STAB2: variants seen among roughly 807,000 people sequenced by gnomAD.
STAB2 encodes stabilin 2, also known as stabilin-2.
Under a neutral mutation model 338.1 loss-of-function variants are expected in STAB2, and 288 were observed. The observed-to-expected ratio is 0.85, with a 90% CI of 0.77 to 0.94. The LOEUF is 0.94. Ranked by LOEUF, STAB2 falls within the 40% of genes least tolerant of loss-of-function variation. STAB2 has a pLI of 0.00. For missense variants in STAB2, 3,141 were observed against 3,210.1 expected, an observed-to-expected ratio of 0.98 and a Z score of 0.52; for synonymous variants, 1,202 against 1,193.3, an observed-to-expected ratio of 1.01 and a Z score of -0.15.
At chr12:103,739,296 A>G (rs946361338) in intron 53 of STAB2, 116 bp from the exon 54 acceptor site, 8 of 959,682 alleles carry the variant, frequency 8.3e-6, no homozygotes, top group East Asian at 3.0e-5. Context: ...ATTCTTGATC[A>G]TAGCCAGAGT....
chr12:103,700,862 ATACTT>A (rs1372245008), intron 34 of STAB2, among the ~76,000 whole-genome samples: 1 of 152,102 alleles, frequency 6.6e-6, no homozygotes, highest in Non-Finnish European at 1.5e-5. Context: ...AATTATTATT[ATACTT>A]TAAGTTTTAG....
intron 15 of STAB2, 79 bp downstream of exon 15, chr12:103,655,660 C>G: frequency 1.3e-6 from 2 of 1,552,606 alleles, no homozygotes; most frequent in Non-Finnish European, 1.7e-6. Context: ...TTTTCCTAAA[C>G]TAGAGATAGT....
intron 58 of STAB2, among the ~76,000 whole-genome samples, chr12:103,746,949 C>CTTT (rs370851005): frequency 4.7e-4 from 45 of 95,876 alleles, no homozygotes; most frequent in East Asian, 1.0e-3. Context: ...GTTTTTCTTT[C>CTTT]TTTTTTTTTT....
rs963685879 is a variant in STAB2, at chr12:103,726,029, G to A, written c.4804-87G>A. On this transcript the variant is annotated intron_variant, in intron 45 of 68. Coordinates refer to ENST00000388887, the MANE Select transcript of STAB2 (RefSeq NM_017564.10). ...GGTGTTACAGATTTCCAGCTGAAGG[G>A]ATGGCAGAGAAATCATCCCATGACA... 6.2e-6 allele frequency: 9 copies of A among 1,444,756 alleles called. No individual in the cohort carries two copies. The African/African-American group carries it at 9.8e-5, about 16-fold the overall frequency. 89.5% of individuals were successfully genotyped at this position (1,444,756 alleles called of 1,614,324 possible). A position where few individuals can be genotyped will look rare whatever the true frequency, so the allele number is the denominator to read the frequency against.
At chr12:103,666,416 A>C (rs1429534361) in intron 19 of STAB2, 63 bp downstream of exon 19, 78 of 1,528,106 alleles carry the variant, frequency 5.1e-5, no homozygotes, top group Non-Finnish European at 6.6e-5. Context: ...GTGGTTTCTC[A>C]ACCTATCTAC....
At chr12:103,746,949 C>CTTTTTTTTTTTTTT (rs370851005) in intron 58 of STAB2, among the ~76,000 whole-genome samples, 1 of 96,078 alleles carries the variant, frequency 1.0e-5, no homozygotes, top group Non-Finnish European at 2.1e-5. Flanking sequence ...GTTTTTCTTT[C>CTTTTTTTTTTTTTT]TTTTTTTTTT....
At chr12:103,708,311 CCT>C in intron 38 of STAB2, 128 bp from the exon 39 acceptor site, 1 of 853,966 alleles carries the variant, frequency 1.2e-6, no homozygotes, top group Non-Finnish European at 1.9e-6. Context: ...ATTCAAGACC[CCT>C]GTTAAAGACT....
At chr12:103,661,659 C>T (rs1009479449) in intron 17 of STAB2, among the ~76,000 whole-genome samples, 5 of 152,158 alleles carry the variant, frequency 3.3e-5, no homozygotes, top group Non-Finnish European at 5.9e-5. Context: ...GATAAATACT[C>T]AAGAAGCCCT....
chr12:103,759,208 ACCAC>A lies in STAB2; in HGVS notation c.7186_7189del (p.Thr2396CysfsTer50). On this transcript the variant is annotated frameshift_variant, in exon 65 of 69. Transcript: ENST00000388887. LOFTEE classifies it high-confidence loss of function. ...TTTCTACAATGACCTTGTCAATGGC[ACCAC>A]CCTGCAAACGAGGCTGGGAAGCAAG... The A allele has an allele frequency of 6.2e-7, 1 of 1,614,130 alleles. No homozygotes were observed. The highest frequency in any genetic ancestry group is 8.5e-7 in the Non-Finnish European group (1 of 1,180,022).
chr12:103,681,808 G>A (rs900416194), intron 25 of STAB2, among the ~76,000 whole-genome samples: 2 of 151,694 alleles, frequency 1.3e-5, no homozygotes, highest in African/African-American at 4.8e-5. Context: ...TTTTAGTAGA[G>A]ACGGGGTTTC....
rs1171817742 is a variant in STAB2 at position 103,662,830 on chromosome 12, C to T, written c.1870-16C>T. On this transcript the variant is annotated splice_polypyrimidine_tract_variant and intron_variant, in intron 17 of 68. Coordinates refer to ENST00000388887, the MANE Select transcript of STAB2 (RefSeq NM_017564.10). The stretch of plus-strand genomic sequence containing the variant: ...CAGAATAGTACAGAATTAGAGATGT[C>T]ATTTTTTCTTTCCAGGGACAGATTC... 1 of 1,613,678 alleles carries T rather than the reference C, an allele frequency of 6.2e-7. No individual in the cohort carries two copies. The highest frequency in any genetic ancestry group is 8.5e-7 in the Non-Finnish European group (1 of 1,179,880).
chr12:103,667,251 T>C lies in STAB2; in HGVS notation c.2085+898T>C, dbSNP rs115590558. Among the ~76,000 whole-genome samples the C allele has an allele frequency of 3.7e-3, 560 of 152,334 alleles. 1 individual carries two copies. The highest frequency in any genetic ancestry group is 0.013 in the African/African-American group (530 of 41,570). On this transcript the variant is annotated intron_variant, in intron 19 of 68. Coordinates refer to ENST00000388887, the MANE Select transcript of STAB2 (RefSeq NM_017564.10). ...TTTTGCTTAACAAAGGCATTACCCC[T>C]GAGTCCTTCAGGATGCTGTCAAGCA...
intron 13 of STAB2, 166 bp downstream of exon 13, chr12:103,654,864 A>G (rs1874062177): frequency 1.2e-6 from 1 of 853,400 alleles, no homozygotes; most frequent in Non-Finnish European, 1.7e-6. Flanking sequence ...GAAACCTGGG[A>G]ATCTCTGCAG....
chr12:103,705,512 C>A, intron 36 of STAB2, 120 bp from the exon 37 acceptor site: 1 of 760,456 alleles, frequency 1.3e-6, no homozygotes. Flanking sequence ...AAGCCACCAC[C>A]TTCTCTTCCC....
chr12:103,759,461 A>C (rs1884384438), intron 65 of STAB2, among the ~76,000 whole-genome samples, 188 bp downstream of exon 65: 1 of 152,214 alleles, frequency 6.6e-6, no homozygotes, highest in Non-Finnish European at 1.5e-5. Context: ...ACCCCTTGGG[A>C]AATAGGGCAG....
At position 103,754,002 on chromosome 12, in the gene STAB2, C is replaced by T. The variant is rs535598955; in HGVS notation, c.6714+649C>T. On this transcript the variant is annotated intron_variant, in intron 61 of 68. Coordinates refer to ENST00000388887, the MANE Select transcript of STAB2 (RefSeq NM_017564.10). The stretch of plus-strand genomic sequence containing the variant: ...TTAACCTCTAAAACTAGAAGTCCTA[C>T]CCATTTGGAAAAGCTAGCAGGTTGG... 1.6e-4 allele frequency among the ~76,000 whole-genome samples: 25 copies of T among 152,300 alleles called. No individual in the cohort carries two copies. In the South Asian group the frequency reaches 5.0e-3, roughly 30 times the overall value.
At chr12:103,751,157 C>T (rs1415384675) in intron 60 of STAB2, among the ~76,000 whole-genome samples, 1 of 152,184 alleles carries the variant, frequency 6.6e-6, no homozygotes, top group African/African-American at 2.4e-5. Flanking sequence ...TATGGCTAAT[C>T]AGTATGTACT....
intron 55 of STAB2, 21 bp from the exon 56 acceptor site, chr12:103,742,384 C>T: frequency 1.2e-6 from 2 of 1,613,050 alleles, no homozygotes; most frequent in South Asian, 1.1e-5. Context: ...TGTTGAGTCA[C>T]TGCTGTTTCA....
chr12:103,740,870 A>G, intron 55 of STAB2, 114 bp downstream of exon 55: 3 of 1,375,050 alleles, frequency 2.2e-6, no homozygotes, highest in Non-Finnish European at 2.9e-6. Flanking sequence ...ACTGCTAATA[A>G]TGATTCCCAG....
Sources: allele counts gnomAD v4.1 joint callset (sites outside exome capture counted in the v4.1 genomes callset), GRCh38; gene constraint gnomAD v4.1.1; transcripts MANE v1.5; gene names NCBI Gene and HGNC (gene_info 2026-07-23, HGNC 2026-07-21).